Variants in ANXA10 observed in about 807,000 individuals in gnomAD.
The protein encoded by ANXA10 is annexin A10, also known as annexin 14.
ANXA10 carries 49 observed loss-of-function variants against 53.5 expected under a neutral mutation model. The observed-to-expected ratio is 0.92, with a 90% CI of 0.73 to 1.16. The LOEUF (loss-of-function observed/expected upper bound fraction) is 1.16. ANXA10 is among the 50% of genes most tolerant of loss of function. The pLI, the probability that ANXA10 is intolerant of heterozygous loss-of-function variation, is 0.00. For synonymous variants in ANXA10, 131 were observed against 128.9 expected (o/e 1.02, Z -0.11); for missense variants, 393 against 394.4 (o/e 1.00, Z 0.03).
chr4:168,157,159 A>G (rs557500781), intron 3 of ANXA10, among the ~76,000 whole-genome samples: 2 of 152,338 alleles, frequency 1.3e-5, no homozygotes, highest in East Asian at 3.9e-4. Context: ...CCAAAATAAC[A>G]TTTTAAAATT....
At chr4:168,128,240 G>A in intron 2 of ANXA10, 75 bp downstream of exon 2, 1 of 1,010,650 alleles carries the variant, frequency 9.9e-7, no homozygotes, top group Non-Finnish European at 1.4e-6. Context: ...TATACTGTGG[G>A]TATAAAATAG....
chr4:168,107,743 G>A (rs114134497), intron 1 of ANXA10, among the ~76,000 whole-genome samples: 124 of 152,272 alleles, frequency 8.1e-4, no homozygotes, highest in African/African-American at 2.6e-3. Context: ...TCTTTACACA[G>A]GGGACAGAGA....
intron 6 of ANXA10, among the ~76,000 whole-genome samples, chr4:168,175,681 CAT>C (rs1732114135): frequency 6.6e-6 from 1 of 152,178 alleles, no homozygotes; most frequent in Admixed American, 6.5e-5. Context: ...ATAAGAATTG[CAT>C]ATGTGCAGTC....
intron 3 of ANXA10, among the ~76,000 whole-genome samples, chr4:168,155,510 A>AC (rs1731601328): frequency 1.2e-4 from 2 of 16,440 alleles, no homozygotes; most frequent in African/African-American, 9.4e-4. Flanking sequence ...TATATATTAT[A>AC]AAATATATAA....
intron 1 of ANXA10, among the ~76,000 whole-genome samples, chr4:168,104,018 T>C (rs377087927): frequency 1.4e-4 from 22 of 151,950 alleles, no homozygotes; most frequent in East Asian, 7.7e-4. Flanking sequence ...ATTTCACCTT[T>C]AATTTTAGAT....
At chr4:168,176,345 A>G (rs1428887940) in intron 6 of ANXA10, among the ~76,000 whole-genome samples, 1 of 152,168 alleles carries the variant, frequency 6.6e-6, no homozygotes, top group Non-Finnish European at 1.5e-5. Flanking sequence ...CAAACTGACC[A>G]GTTTGGTCAG....
intron 3 of ANXA10, among the ~76,000 whole-genome samples, chr4:168,156,171 T>TCATATTATATATTA (rs1553957740): frequency 3.2e-5 from 1 of 31,236 alleles, no homozygotes; most frequent in Non-Finnish European, 5.1e-5. Flanking sequence ...ATTATATATA[T>TCATATTATATATTA]TATATTATAT....
At chr4:168,096,839 C>G (rs534114417) in intron 1 of ANXA10, among the ~76,000 whole-genome samples, 2 of 148,474 alleles carry the variant, frequency 1.3e-5, no homozygotes, top group East Asian at 3.9e-4. Context: ...ATTCAAAAGC[C>G]CTGGCCTTCA....
chr4:168,152,313 G>A (rs1031864942), intron 3 of ANXA10, among the ~76,000 whole-genome samples: 4 of 152,152 alleles, frequency 2.6e-5, no homozygotes, highest in Non-Finnish European at 2.9e-5. Flanking sequence ...AAGGGCAAAA[G>A]TAAAGGCCCT....
At chr4:168,145,755 G>A (rs1375738958) in intron 3 of ANXA10, among the ~76,000 whole-genome samples, 1 of 152,074 alleles carries the variant, frequency 6.6e-6, no homozygotes, top group Non-Finnish European at 1.5e-5. Flanking sequence ...TATTTTCCAG[G>A]AACCGCTGAA....
intron 3 of ANXA10, among the ~76,000 whole-genome samples, chr4:168,153,600 T>TAAC (rs1298141822): frequency 1.3e-5 from 2 of 152,080 alleles, no homozygotes; most frequent in African/African-American, 4.8e-5. Context: ...GGAAACAACC[T>TAAC]AACTAATCAT....
At chr4:168,140,808 C>T (rs1371358987) in intron 3 of ANXA10, among the ~76,000 whole-genome samples, 1 of 152,030 alleles carries the variant, frequency 6.6e-6, no homozygotes, top group Non-Finnish European at 1.5e-5. Context: ...TTAGTAGAAA[C>T]GGGGTTTCAC....
intron 3 of ANXA10, among the ~76,000 whole-genome samples, chr4:168,151,635 T>C (rs1731499080): frequency 6.6e-6 from 1 of 152,100 alleles, no homozygotes; most frequent in Non-Finnish European, 1.5e-5. Context: ...AAGTGGTGTA[T>C]ATATATATAA....
At chr4:168,154,906 T>C (rs1385360725) in intron 3 of ANXA10, among the ~76,000 whole-genome samples, 1 of 152,218 alleles carries the variant, frequency 6.6e-6, no homozygotes, top group Admixed American at 6.5e-5. Context: ...CAGTAAATGC[T>C]AGTTGTTATG....
chr4:168,139,650 G>A, intron 3 of ANXA10, 70 bp downstream of exon 3: 2 of 1,212,446 alleles, frequency 1.6e-6, no homozygotes, highest in South Asian at 2.8e-5. Flanking sequence ...ACGGATAATA[G>A]GTATTTTTTT....
intron 6 of ANXA10, among the ~76,000 whole-genome samples, chr4:168,173,918 C>G (rs1332412844): frequency 6.6e-6 from 1 of 152,092 alleles, no homozygotes; most frequent in East Asian, 1.9e-4. Context: ...CCAATCAGCA[C>G]ATACCCCCCC....
intron 2 of ANXA10, among the ~76,000 whole-genome samples, chr4:168,139,081 T>A (rs28402991): frequency 3.3e-5 from 5 of 151,864 alleles, no homozygotes; most frequent in Non-Finnish European, 7.4e-5. Flanking sequence ...AATTTGGGTG[T>A]TTTTTATTTT....
At chr4:168,097,095 T>C (rs1174107531) in intron 1 of ANXA10, among the ~76,000 whole-genome samples, 3 of 151,886 alleles carry the variant, frequency 2.0e-5, no homozygotes, top group African/African-American at 7.3e-5. Context: ...GATTGTATCA[T>C]GCAAAAAAAT....
At chr4:168,168,333 G>A (rs1171964260) in intron 6 of ANXA10, among the ~76,000 whole-genome samples, 1 of 152,184 alleles carries the variant, frequency 6.6e-6, no homozygotes, top group Non-Finnish European at 1.5e-5. Flanking sequence ...CACTCAAGGA[G>A]GCCTACTTAA....
Sources: gnomAD v4.1 joint callset for allele counts (sites outside exome capture counted in the v4.1 genomes callset) on GRCh38, gnomAD v4.1.1 for gene constraint, MANE v1.5 for transcripts, NCBI Gene and HGNC (gene_info 2026-07-23, HGNC 2026-07-21) for gene names.